ATP13A4: variants seen among roughly 807,000 people sequenced by gnomAD.
The protein encoded by ATP13A4 is ATPase 13A4.
A neutral mutation model predicts 142.5 loss-of-function variants in ATP13A4; 114 were observed. The observed-to-expected ratio is 0.80, with a 90% CI of 0.69 to 0.93. The LOEUF is 0.93. Among genes scored for constraint, ATP13A4 ranks in the 40% least tolerant of loss-of-function variants. The pLI, the probability that ATP13A4 is intolerant of heterozygous loss-of-function variation, is 0.00. For missense variants in ATP13A4, 1,392 were observed against 1,454.0 expected (o/e 0.96, Z 0.69); for synonymous variants, 488 against 514.8 (o/e 0.95, Z 0.70).
chr3:193,523,751 G>A (rs1238215552), intron 1 of ATP13A4, among the ~76,000 whole-genome samples: 1 of 152,136 alleles, frequency 6.6e-6, no homozygotes, highest in African/African-American at 2.4e-5. Context: ...TTTGGATGTG[G>A]TTTGTCCCCA....
chr3:193,466,233 T>G, intron 10 of ATP13A4, 51 bp from the exon 11 acceptor site: 1 of 1,607,758 alleles, frequency 6.2e-7, no homozygotes. Flanking sequence ...ACGCTACTGC[T>G]AGCTCTTCCA....
Position 193,442,576 on chromosome 3 carries a change from T to G in ATP13A4, c.2153-20A>C. The G allele has an allele frequency of 6.2e-7, 1 of 1,608,800 alleles. No homozygotes were observed. ...TGTCACCTAGAGGAAAGGAGGAGTA[T>G]CTCAAGATGAGGTTGACAAGATTGA... is the stretch of plus-strand genomic sequence containing the variant. On this transcript the variant is annotated intron_variant, in intron 18 of 29. Transcript: ENST00000342695.
intron 1 of ATP13A4, among the ~76,000 whole-genome samples, chr3:193,591,350 T>G (rs1724767929): frequency 6.6e-6 from 1 of 152,232 alleles, no homozygotes; most frequent in Admixed American, 6.5e-5. Flanking sequence ...AGTGTTATTT[T>G]TAAAACACTG....
intron 17 of ATP13A4, among the ~76,000 whole-genome samples, chr3:193,449,812 T>C (rs952824386): frequency 3.3e-5 from 5 of 152,106 alleles, no homozygotes; most frequent in African/African-American, 1.2e-4. Flanking sequence ...CCACAAAGGC[T>C]CCCTCAGATA....
intron 11 of ATP13A4, 37 bp downstream of exon 11, chr3:193,465,986 AGT>A: frequency 6.2e-7 from 1 of 1,607,106 alleles, no homozygotes; most frequent in Non-Finnish European, 8.5e-7. Context: ...TACAGAGATG[AGT>A]GTGTGTGCAT....
chr3:193,404,257 C>CCA lies in ATP13A4; in HGVS notation c.3379-1395_3379-1394dup, dbSNP rs537791282. 3,317 of 467,644 alleles carry CCA rather than the reference C, an allele frequency of 7.1e-3. 88 individuals are homozygous for CCA. The highest frequency in any genetic ancestry group is 0.063 in the African/African-American group (2,881 of 45,552). 29.0% of individuals were successfully genotyped at this position (467,644 alleles called of 1,614,324 possible). A position where few individuals can be genotyped will look rare whatever the true frequency, so the allele number is the denominator to read the frequency against. On this transcript the variant is annotated intron_variant, in intron 29 of 29. Coordinates refer to ENST00000342695, the MANE Select transcript of ATP13A4 (RefSeq NM_032279.4). ...AAACCTTAAAACAAAATAGATGAAACCACACACACACACACACAGAGAGAG... is the reference window on the plus strand; with the variant it reads ...AAACCTTAAAACAAAATAGATGAAACCACACACACACACACACACAGAGAGAG...
intron 2 of ATP13A4, among the ~76,000 whole-genome samples, chr3:193,576,249 CTTTTTTTTTTTTTTTTTTTTT>C (rs59910562): frequency 1.8e-5 from 1 of 54,364 alleles, no homozygotes; most frequent in Non-Finnish European, 3.3e-5. Flanking sequence ...TTGAATCAAT[CTTTTTTTTTTTTTTTTTTTTT>C]TTTTTTTTTT....
intron 1 of ATP13A4, among the ~76,000 whole-genome samples, chr3:193,585,289 A>G (rs281795): frequency 0.71 from 107,795 of 151,606 alleles, 38,525 homozygotes; most frequent in African/African-American, 0.76. Context: ...GTGTGGTGGC[A>G]GGCACCTATA....
At chr3:193,541,376 CA>C (rs1177612167) in intron 1 of ATP13A4, among the ~76,000 whole-genome samples, 5 of 115,708 alleles carry the variant, frequency 4.3e-5, no homozygotes, top group Non-Finnish European at 8.2e-5. Flanking sequence ...GATTATCGAT[CA>C]CAGATTATCT....
intron 28 of ATP13A4, among the ~76,000 whole-genome samples, chr3:193,408,736 C>A (rs1346799974): frequency 6.6e-6 from 1 of 152,214 alleles, no homozygotes; most frequent in Non-Finnish European, 1.5e-5. Context: ...TTTGGCCTGA[C>A]TTTCTTAGAA....
chr3:193,504,020 T>TGTGTGTGTGTGTGTGAGA (rs1034644341), intron 2 of ATP13A4, among the ~76,000 whole-genome samples: 101 of 144,310 alleles, frequency 7.0e-4, no homozygotes, highest in African/African-American at 2.4e-3. Context: ...TGTGTGTGTG[T>TGTGTGTGTGTGTGTGAGA]GAGAGAGAGA....
chr3:193,435,170 T>C (rs1236781981), intron 24 of ATP13A4, among the ~76,000 whole-genome samples: 1 of 152,226 alleles, frequency 6.6e-6, no homozygotes, highest in Non-Finnish European at 1.5e-5. Flanking sequence ...CCCCACTTCA[T>C]GTTCAGTGAC....
rs535436715 is a variant in ATP13A4 at position 193,404,757 on chromosome 3, T to A, written c.3379-1893A>T. ...AAACCATGAGCCAATTAAACCTCTT[T>A]CCTTCATAAATTACCCCGTTTCAGG... On this transcript the variant is annotated intron_variant, in intron 29 of 29. Transcript: ENST00000342695. 3.3e-5 allele frequency among the ~76,000 whole-genome samples: 5 copies of A among 152,240 alleles called. No homozygotes were observed. In the South Asian group the frequency reaches 1.0e-3, roughly 32 times the overall value.
chr3:193,583,012 AT>A (rs1724599814), intron 1 of ATP13A4, among the ~76,000 whole-genome samples: 1 of 141,944 alleles, frequency 7.0e-6, no homozygotes, highest in Admixed American at 7.5e-5. Context: ...ATATATGTAT[AT>A]TATATAGATA....
chr3:193,588,188 C>A (rs185358941), intron 1 of ATP13A4, among the ~76,000 whole-genome samples: 4 of 152,208 alleles, frequency 2.6e-5, no homozygotes, highest in Admixed American at 1.3e-4. Context: ...CATTAACAAA[C>A]AATTTCAAGT....
At chr3:193,414,861 A>G (rs1429075403) in intron 25 of ATP13A4, 111 bp from the exon 26 acceptor site, 1 of 1,004,830 alleles carries the variant, frequency 1.0e-6, no homozygotes, top group Admixed American at 2.0e-5. Flanking sequence ...GACAAACTGG[A>G]GTACATCACA....
intron 17 of ATP13A4, among the ~76,000 whole-genome samples, chr3:193,451,811 A>G (rs1005236546): frequency 2.0e-5 from 3 of 152,186 alleles, no homozygotes. Context: ...AAAAAACCCC[A>G]AAACAACAGC....
chr3:193,573,263 A>ATATATATATATATATATATATG (rs1560287198), intron 2 of ATP13A4, among the ~76,000 whole-genome samples: 1 of 105,270 alleles, frequency 9.5e-6, no homozygotes, highest in African/African-American at 4.6e-5. Flanking sequence ...CCACAGCCAT[A>ATATATATATATATATATATATG]TATATATATA....
At chr3:193,455,236 A>T (rs1389016434) in intron 16 of ATP13A4, among the ~76,000 whole-genome samples, 1 of 148,770 alleles carries the variant, frequency 6.7e-6, no homozygotes, top group Non-Finnish European at 1.5e-5. Context: ...AACTACTAGG[A>T]GGGCTGAGGC....
Sources: allele counts gnomAD v4.1 joint callset (sites outside exome capture counted in the v4.1 genomes callset), GRCh38; gene constraint gnomAD v4.1.1; transcripts MANE v1.5; gene names NCBI Gene and HGNC (gene_info 2026-07-23, HGNC 2026-07-21).